HOXC4: variants seen among roughly 807,000 people sequenced by gnomAD.
HOXC4 encodes homeobox protein Hox-C4.
HOXC4 carries 15 observed loss-of-function variants against 25.5 expected under a neutral mutation model. The observed-to-expected ratio is 0.59, with a 90% CI of 0.39 to 0.91. The LOEUF is 0.91. Among genes scored for constraint, HOXC4 ranks in the 40% least tolerant of loss-of-function variants. The pLI is 0.00. For synonymous variants in HOXC4, 165 were observed against 148.0 expected (o/e 1.11, Z -0.83); for missense variants, 342 against 352.4 (o/e 0.97, Z 0.24).
chr12:54,046,096 A>G (rs374105538), intron 1 of HOXC4, among the ~76,000 whole-genome samples: 4 of 152,010 alleles, frequency 2.6e-5, no homozygotes, highest in Non-Finnish European at 4.4e-5. Flanking sequence ...CAAGTCCCCA[A>G]CTGTTTTTAT....
chr12:54,037,048 G>T (rs775670539), intron 1 of HOXC4, among the ~76,000 whole-genome samples: 1 of 152,210 alleles, frequency 6.6e-6, no homozygotes, highest in Non-Finnish European at 1.5e-5. Flanking sequence ...GGAGCTGAAG[G>T]TCTGACTCAT....
intron 1 of HOXC4, chr12:54,029,757 G>A (rs769891934): frequency 1.2e-6 from 2 of 1,614,010 alleles, no homozygotes; most frequent in Non-Finnish European, 1.7e-6. Context: ...TACCTAACGC[G>A]GCGCCGGCGC....
At chr12:54,023,722 A>G (rs1940552806) in intron 1 of HOXC4, among the ~76,000 whole-genome samples, 1 of 152,204 alleles carries the variant, frequency 6.6e-6, no homozygotes, top group South Asian at 2.1e-4. Context: ...TAGGTGTGTC[A>G]AATTTCACTT....
chr12:54,025,496 G>A (rs1940650831), intron 1 of HOXC4, among the ~76,000 whole-genome samples: 1 of 144,350 alleles, frequency 6.9e-6, no homozygotes, highest in South Asian at 2.4e-4. Context: ...AAAGAAGAGG[G>A]CTTCTTCTTT....
At chr12:54,051,683 G>T (rs574862714), upstream of HOXC4, among the ~76,000 whole-genome samples, 8 of 152,356 alleles carry the variant, frequency 5.3e-5, no homozygotes, top group South Asian at 1.4e-3. Context: ...CTTGGAGAGA[G>T]AGTATTCAGG....
intron 1 of HOXC4, chr12:54,028,773 C>T (rs571612814): frequency 6.2e-7 from 1 of 1,614,150 alleles, no homozygotes; most frequent in Admixed American, 1.7e-5. Flanking sequence ...AAGACATGCT[C>T]TCAAACTGCA....
At chr12:54,026,484 A>T (rs1483678257) in intron 1 of HOXC4, among the ~76,000 whole-genome samples, 2 of 152,202 alleles carry the variant, frequency 1.3e-5, no homozygotes, top group Non-Finnish European at 2.9e-5. Context: ...TAATTTAAAA[A>T]TCCTCCTCTA....
Position 54,024,137 on chromosome 12 carries a change from A to G in HOXC4, c.-124+6723A>G, listed in dbSNP as rs78054138. Among the ~76,000 whole-genome samples the G allele has an allele frequency of 7.5e-3, 1,142 of 152,316 alleles. 11 individuals carry two copies. Among genetic ancestry groups the G allele is most frequent in the African/African-American group, 0.026 (1,099 of 41,564 alleles). On this transcript the variant is annotated intron_variant, in intron 1 of 3. Coordinates refer to the HOXC4 transcript ENST00000303406. ...ATGAGGGGAGCTGAGCAATTACTGA[A>G]ACTCGGCTTTCTCCGTAAGAGGGAT...
rs540667359 is a variant in HOXC4, at chr12:54,046,546, T to A, written c.-123-6614T>A. On this transcript the variant is annotated intron_variant, in intron 1 of 3. Transcript: ENST00000303406. ...TCTCTCCTTGAGGGAAATATATATA[T>A]ATATATACACAGTTAATGGTAACTC... Among the ~76,000 whole-genome samples, 3 of 152,144 alleles carry A rather than the reference T, an allele frequency of 2.0e-5. No homozygotes were observed. In the East Asian group the frequency reaches 5.8e-4, roughly 29 times the overall value.
chr12:54,049,784 A>T (rs1372777132), upstream of HOXC4, among the ~76,000 whole-genome samples: 1 of 151,236 alleles, frequency 6.6e-6, no homozygotes, highest in East Asian at 1.9e-4. Flanking sequence ...ACACACACAC[A>T]CACACACACA....
At chr12:54,041,977 C>CTTTTT (rs796328359) in intron 1 of HOXC4, among the ~76,000 whole-genome samples, 71 of 116,636 alleles carry the variant, frequency 6.1e-4, no homozygotes, top group Admixed American at 9.4e-4. Context: ...CTTTTCTTTT[C>CTTTTT]TTTTTTTTTT....
At chr12:54,033,533 G>T in intron 1 of HOXC4, 1 of 1,597,864 alleles carries the variant, frequency 6.3e-7, no homozygotes. Flanking sequence ...CACCGGCCCC[G>T]CCACAGATTT....
intron 1 of HOXC4, among the ~76,000 whole-genome samples, chr12:54,041,716 G>A (rs977126420): frequency 2.1e-4 from 32 of 152,138 alleles, no homozygotes; most frequent in African/African-American, 5.3e-4. Context: ...CACTCTTGTC[G>A]CCCCGGCTGG....
Position 54,055,095 on chromosome 12 carries a change from G to T in HOXC4, c.685G>T (p.Gly229Cys), listed in dbSNP as rs769396846. 1.9e-6 allele frequency: 3 copies of T among 1,613,150 alleles called. No homozygotes were observed. In the Admixed American group the frequency reaches 5.0e-5, roughly 27 times the overall value. ...CAAAGTCAGGTCAGCACCCCCGGCC[G>T]GCGCTGCGCCCAGCACCCTTTCGGC... Reference protein sequence around the residue: ...NTKVRSAPPAGAAPSTLSAAT... With the variant: ...NTKVRSAPPACAAPSTLSAAT... Residue 229 changes from glycine (G) to cysteine (C), a missense_variant, in exon 2 of 2, where the codon GGC becomes TGC. Physicochemically the swap from Gly to Cys is radical, Grantham distance 159 (BLOSUM62 -3). Transcript: ENST00000430889.
At chr12:54,029,951 CAGAA>C (rs2136439860) in intron 1 of HOXC4, 2 of 1,578,014 alleles carry the variant, frequency 1.3e-6, no homozygotes, top group Non-Finnish European at 1.7e-6. Context: ...AGAGGAGAAG[CAGAA>C]AGAGTGACCA....
At chr12:54,033,851 G>A in intron 1 of HOXC4, 1 of 520,846 alleles carries the variant, frequency 1.9e-6, no homozygotes, top group South Asian at 2.1e-5. Context: ...AGGGTGAGGA[G>A]CGCGGGGCTC....
chr12:54,025,914 C>T (rs1940674287), intron 1 of HOXC4, among the ~76,000 whole-genome samples: 1 of 151,962 alleles, frequency 6.6e-6, no homozygotes, highest in African/African-American at 2.4e-5. Context: ...CCCCAGAAGC[C>T]CCTTCTTTCT....
intron 1 of HOXC4, among the ~76,000 whole-genome samples, chr12:54,048,604 A>G: frequency 6.6e-6 from 1 of 152,094 alleles, no homozygotes; most frequent in East Asian, 1.9e-4. Flanking sequence ...CCTGGAGAGG[A>G]CCCAGGATTC....
intron 1 of HOXC4, among the ~76,000 whole-genome samples, chr12:54,032,050 A>G (rs1016025231): frequency 3.9e-5 from 6 of 152,200 alleles, no homozygotes; most frequent in African/African-American, 4.8e-5. Context: ...CATGTCCTCA[A>G]TTAACATCTA....
Sources: gnomAD v4.1 joint callset for allele counts (sites outside exome capture counted in the v4.1 genomes callset) on GRCh38, gnomAD v4.1.1 for gene constraint, MANE v1.5 for transcripts, NCBI Gene and HGNC (gene_info 2026-07-23, HGNC 2026-07-21) for gene names.